HEATR5B: variants seen among roughly 807,000 people sequenced by gnomAD.
HEATR5B encodes the protein HEAT repeat-containing protein 5B.
A neutral mutation model predicts 224.1 loss-of-function variants in HEATR5B; 156 were observed. The ratio of observed to expected loss-of-function variants is 0.70; its 90% CI spans 0.61 to 0.80. HEATR5B has a LOEUF of 0.80. Among genes scored for constraint, HEATR5B ranks in the 30% least tolerant of loss-of-function variants. The probability of loss-of-function intolerance (pLI) is 0.00; values close to 1 mark genes in which losing one functional copy is unlikely to be tolerated. For synonymous variants in HEATR5B, 1,027 were observed against 893.0 expected, an observed-to-expected ratio of 1.15 and a Z score of -2.68; for missense variants, 2,323 against 2,535.5, an observed-to-expected ratio of 0.92 and a Z score of 1.80.
intron 2 of HEATR5B, among the ~76,000 whole-genome samples, chr2:37,082,834 G>A (rs928447467): frequency 6.6e-6 from 1 of 151,984 alleles, no homozygotes; most frequent in Non-Finnish European, 1.5e-5. Flanking sequence ...TTCTGTGTGT[G>A]TCTTTAATTC....
At chr2:37,006,672 A>C (rs2148392197) in intron 29 of HEATR5B, among the ~76,000 whole-genome samples, 1 of 152,228 alleles carries the variant, frequency 6.6e-6, no homozygotes, top group Admixed American at 6.5e-5. Context: ...AGAAACAAAA[A>C]AGCATTTATA....
At chr2:36,999,848 T>C (rs2148366962) in intron 33 of HEATR5B, among the ~76,000 whole-genome samples, 1 of 151,468 alleles carries the variant, frequency 6.6e-6, no homozygotes, top group African/African-American at 2.4e-5. Flanking sequence ...CACGTCTTTA[T>C]TAAAAACGCA....
chr2:37,039,059 G>T (rs1461529114), intron 20 of HEATR5B, among the ~76,000 whole-genome samples: 1 of 152,014 alleles, frequency 6.6e-6, no homozygotes, highest in African/African-American at 2.4e-5. Context: ...GGAGGCTCGT[G>T]CCTGTAATCC....
intron 18 of HEATR5B, among the ~76,000 whole-genome samples, chr2:37,047,092 C>T (rs1670251091): frequency 6.7e-6 from 1 of 148,574 alleles, no homozygotes; most frequent in African/African-American, 2.5e-5. Flanking sequence ...TCCTGTAATC[C>T]CAACTACTCA....
rs1553431138 is a variant in HEATR5B, at chr2:37,037,145, G to GATATAT, written c.3216+704_3216+709dup. On this transcript the variant is annotated intron_variant, in intron 21 of 35. Transcript: ENST00000233099. ...TTCCGAGTAGGAAAACTAAAAATGTGATATATATATATATTTTGGAGATGG... is the reference window on the plus strand; with the variant it reads ...TTCCGAGTAGGAAAACTAAAAATGTGATATATATATATATATATATTTTGGAGATGG... 6.1e-4 allele frequency among the ~76,000 whole-genome samples: 54 copies of GATATAT among 89,194 alleles called. 11 individuals carry two copies. Among genetic ancestry groups the GATATAT allele is most frequent in the East Asian group, 4.1e-3 (8 of 1,946 alleles). The allele number at this position is 89,194 out of a possible 152,430, so 58.5% of individuals were successfully genotyped here.
At chr2:37,041,925 TG>T (rs1669897804) in intron 18 of HEATR5B, among the ~76,000 whole-genome samples, 1 of 151,882 alleles carries the variant, frequency 6.6e-6, no homozygotes, top group Non-Finnish European at 1.5e-5. Flanking sequence ...AACTTATGTT[TG>T]GTTTTAAAAA....
intron 3 of HEATR5B, 100 bp downstream of exon 3, chr2:37,079,020 T>C: frequency 1.5e-6 from 1 of 660,742 alleles, no homozygotes; most frequent in Non-Finnish European, 2.6e-6. Flanking sequence ...ATGTCGCAGG[T>C]TCCACCCACC....
At chr2:36,993,820 C>T (rs1666502959) in intron 33 of HEATR5B, among the ~76,000 whole-genome samples, 1 of 133,436 alleles carries the variant, frequency 7.5e-6, no homozygotes, top group Non-Finnish European at 1.6e-5. Context: ...TTGAATCTAA[C>T]CTGAGAGGAA....
intron 35 of HEATR5B, 81 bp from the exon 36 acceptor site, chr2:36,981,875 G>T (rs2148304180): frequency 1.0e-6 from 1 of 1,001,620 alleles, no homozygotes; most frequent in Non-Finnish European, 1.5e-6. Flanking sequence ...TGCCATGGAA[G>T]ACTGAACATA....
Position 37,075,536 on chromosome 2 carries a change from G to A in HEATR5B, c.546C>T (p.Ala182=). 6.2e-7 allele frequency: 1 copy of A among 1,614,010 alleles called. No homozygotes were observed. Among genetic ancestry groups the A allele is most frequent in the Non-Finnish European group, 8.5e-7 (1 of 1,179,924 alleles). The change falls in exon 5 of 36, where the codon GCC becomes GCT. Residue 182 remains alanine (A), a synonymous_variant. Coordinates refer to ENST00000233099, the MANE Select transcript of HEATR5B (RefSeq NM_019024.3). ...ASSHRDIYKN[A]RSLLTDRSMA... ...TTGACCTATCAGTCAAGAGAGACCT[G>A]GCATTCTTGTAAATATCACGATGGG...
chr2:37,043,533 A>C (rs186581906), intron 18 of HEATR5B, among the ~76,000 whole-genome samples: 1 of 152,336 alleles, frequency 6.6e-6, no homozygotes, highest in Non-Finnish European at 1.5e-5. Flanking sequence ...CAAGAGTTTC[A>C]ATGGAAAGTC....
At chr2:36,989,899 C>CTTTTTTTTTTTTTTTTT (rs766148486) in intron 34 of HEATR5B, among the ~76,000 whole-genome samples, 1 of 88,904 alleles carries the variant, frequency 1.1e-5, no homozygotes, top group African/African-American at 4.8e-5. Flanking sequence ...AGAATGTTTC[C>CTTTTTTTTTTTTTTTTT]TTTTTTTTTT....
chr2:37,037,885 G>T lies in HEATR5B; in HGVS notation c.3186C>A (p.Val1062=). The change falls in exon 21 of 36, where the codon GTC becomes GTA. Residue 1062 remains valine, a synonymous_variant. Transcript: ENST00000233099. ...QQLHMFAPRH[V]NLSSLVPSLC... ...GGCTAGGAACAAGGCTAGATAGATT[G>T]ACATGTCGTGGTGCAAACATGTGAA... The T allele has an allele frequency of 1.3e-6, 2 of 1,592,886 alleles. No homozygotes were observed. Among genetic ancestry groups the T allele is most frequent in the South Asian group, 2.3e-5 (2 of 87,376 alleles).
At chr2:36,995,961 C>T (rs1433151698) in intron 33 of HEATR5B, among the ~76,000 whole-genome samples, 3 of 151,704 alleles carry the variant, frequency 2.0e-5, no homozygotes, top group Non-Finnish European at 4.4e-5. Context: ...TCTGGGCTCA[C>T]TGCAGCCTCT....
At position 37,002,279 on chromosome 2, in the gene HEATR5B, A is replaced by C. The variant is rs1240982283; in HGVS notation, c.5317+27T>G. On this transcript the variant is annotated intron_variant, in intron 32 of 35. Coordinates refer to ENST00000233099, the MANE Select transcript of HEATR5B (RefSeq NM_019024.3). Reference sequence around the variant, plus strand: ...ATCTTTGTCTACTGTAATATAATGCATTTCCAAATACTGATCAATACCGTA... The same window carrying C: ...ATCTTTGTCTACTGTAATATAATGCCTTTCCAAATACTGATCAATACCGTA... 1.9e-6 allele frequency: 3 copies of C among 1,612,372 alleles called. No individual in the cohort carries two copies. The South Asian group carries it at 3.3e-5, about 18-fold the overall frequency.
intron 4 of HEATR5B, 146 bp from the exon 5 acceptor site, chr2:37,075,780 A>T: frequency 2.0e-6 from 1 of 502,132 alleles, no homozygotes; most frequent in Middle Eastern, 5.3e-4. Flanking sequence ...AAAATTAAGT[A>T]TTCTAGAAAG....
At chr2:37,025,725 GGAA>G in intron 24 of HEATR5B, among the ~76,000 whole-genome samples, 1 of 152,216 alleles carries the variant, frequency 6.6e-6, no homozygotes, top group East Asian at 1.9e-4. Context: ...GACACAATGA[GGAA>G]GAAAAATAAC....
chr2:37,032,870 A>G (rs969413222), intron 21 of HEATR5B, 97 bp from the exon 22 acceptor site: 5 of 978,518 alleles, frequency 5.1e-6, no homozygotes, highest in African/African-American at 5.0e-5. Context: ...ACATACATAT[A>G]TATGTTTTGT....
chr2:36,990,874 G>A (rs1032795764), intron 33 of HEATR5B, 75 bp from the exon 34 acceptor site: 222 of 1,278,440 alleles, frequency 1.7e-4, no homozygotes, highest in Non-Finnish European at 1.8e-4. Flanking sequence ...TTTGTAGAGA[G>A]AGACGTTGTC....
Sources: gnomAD v4.1 joint callset for allele counts (sites outside exome capture counted in the v4.1 genomes callset) on GRCh38, gnomAD v4.1.1 for gene constraint, MANE v1.5 for transcripts, NCBI Gene and HGNC (gene_info 2026-07-23, HGNC 2026-07-21) for gene names.